The following PKD2 variants were observed in gnomAD, a reference collection of about 807,000 sequenced individuals.
PKD2 encodes the protein polycystin 2, transient receptor potential cation channel.
A neutral mutation model predicts 105.9 loss-of-function variants in PKD2; 48 were observed. The ratio of observed to expected loss-of-function variants is 0.45; its 90% CI spans 0.36 to 0.58. The LOEUF (loss-of-function observed/expected upper bound fraction) is 0.58. PKD2 is among the 20% of genes least tolerant of loss of function. The pLI is 0.00. For synonymous variants in PKD2, 464 were observed against 481.1 expected, an observed-to-expected ratio of 0.96 and a Z score of 0.46; for missense variants, 1,078 against 1,255.3, an observed-to-expected ratio of 0.86 and a Z score of 2.13.
intron 1 of PKD2, among the ~76,000 whole-genome samples, chr4:88,011,669 G>A (rs1726383893): frequency 6.6e-6 from 1 of 152,036 alleles, no homozygotes; most frequent in Non-Finnish European, 1.5e-5. Context: ...CTAAAGGGAA[G>A]CATAATTAGT....
rs771148745 is a variant in PKD2, at chr4:88,008,116, C to T, written c.383C>T (p.Ser128Phe). 2.0e-6 allele frequency: 3 copies of T among 1,509,714 alleles called. No homozygotes were observed. The highest frequency in any genetic ancestry group is 2.5e-5 in the South Asian group (2 of 81,378). The allele number at this position is 1,509,714 out of a possible 1,614,324, so 93.5% of individuals were successfully genotyped here. A position where few individuals can be genotyped will look rare whatever the true frequency, so the allele number is the denominator to read the frequency against. ...CCGGGCAGCCGGAGGTCGGCCGCCT[C>T]CTCGGCCGTGAGCTCCGTGGGCGCG... Reference protein sequence around the residue: ...WRPGSRRSAASSAVSSVGARS... With the variant: ...WRPGSRRSAAFSAVSSVGARS... The change falls in exon 1 of 15, where the codon TCC (serine) becomes TTC (phenylalanine). Residue 128 changes from serine to phenylalanine, a missense_variant. This residue lies in a region of PKD2 where 868 missense variants were observed against 1,067.3 expected (regional missense o/e 0.81). Coordinates refer to ENST00000237596, the MANE Select transcript of PKD2 (RefSeq NM_000297.4).
intron 2 of PKD2, among the ~76,000 whole-genome samples, chr4:88,031,090 C>A (rs1233869002): frequency 6.6e-6 from 1 of 152,068 alleles, no homozygotes; most frequent in African/African-American, 2.4e-5. Context: ...TCCAGGCTAC[C>A]ATACTCTAAA....
chr4:88,046,934 G>T, intron 6 of PKD2, 64 bp downstream of exon 6: 2 of 920,348 alleles, frequency 2.2e-6, no homozygotes, highest in Non-Finnish European at 3.7e-6. Context: ...TAGAGTCTTT[G>T]ATCTCCTCAG....
intron 8 of PKD2, among the ~76,000 whole-genome samples, chr4:88,056,728 A>T (rs1560620748): frequency 6.6e-6 from 1 of 152,352 alleles, no homozygotes; most frequent in East Asian, 1.9e-4. Flanking sequence ...AAGATCCCAA[A>T]TGTGAAATAA....
At position 88,046,684 on chromosome 4, in the gene PKD2, T is replaced by C. The variant is rs868456726; in HGVS notation, c.1362T>C (p.Ser454=). ...CAGCAACAGGTGGTGTGATTCCATC[T>C]TGGCAATTTCAGCCTTTAAAGCTGA... ...EFPATGGVIP[S]WQFQPLKLIR... is the part of the protein sequence containing the mutation. Residue 454 remains serine (S), a synonymous_variant, in exon 6 of 15, where the codon TCT becomes TCC. Coordinates refer to ENST00000237596, the MANE Select transcript of PKD2 (RefSeq NM_000297.4). The C allele has an allele frequency of 6.2e-7, 1 of 1,613,708 alleles. No homozygotes were observed. Among genetic ancestry groups the C allele is most frequent in the Admixed American group, 1.7e-5 (1 of 60,028 alleles).
chr4:88,069,049 C>G (rs747250360), intron 13 of PKD2, among the ~76,000 whole-genome samples: 2 of 152,146 alleles, frequency 1.3e-5, no homozygotes, highest in Non-Finnish European at 2.9e-5. Flanking sequence ...ATGTTATCCA[C>G]TTTATCTCTA....
In PKD2 at chr4:88,027,831, G is replaced by GT. The variant is rs397829449; in HGVS notation, c.709+8260_709+8261insT. ...ATCTGGTTTTTTGGTAAGTGTCTGGGCTTCCCCCTTTTCCCTCTCTCTCCT... is the reference window on the plus strand; with the variant it reads ...ATCTGGTTTTTTGGTAAGTGTCTGGGTCTTCCCCCTTTTCCCTCTCTCTCCT... On this transcript the variant is annotated intron_variant, in intron 2 of 14. Transcript: ENST00000237596. Among the ~76,000 whole-genome samples, 13 of 151,532 alleles carry GT rather than the reference G, an allele frequency of 8.6e-5. No individual in the cohort carries two copies. The East Asian group carries it at 2.5e-3, about 30-fold the overall frequency.
chr4:88,027,418 T>C lies in PKD2; in HGVS notation c.709+7847T>C, dbSNP rs139086490. On this transcript the variant is annotated intron_variant, in intron 2 of 14. Transcript: ENST00000237596. ...CCCCTTTGTTTTGGCCAATTTCTCC[T>C]ATTTGGAATGGGAACATATACCCAA... Among the ~76,000 whole-genome samples, 372 of 152,306 alleles carry C rather than the reference T, an allele frequency of 2.4e-3. 3 individuals are homozygous for C. The highest frequency in any genetic ancestry group is 8.6e-3 in the African/African-American group (357 of 41,558).
intron 6 of PKD2, among the ~76,000 whole-genome samples, chr4:88,051,126 T>A (rs1417290016): frequency 6.6e-6 from 1 of 152,166 alleles, no homozygotes; most frequent in South Asian, 2.1e-4. Flanking sequence ...TCCCCTTGGA[T>A]CTGATTGTAA....
intron 13 of PKD2, among the ~76,000 whole-genome samples, chr4:88,069,060 GT>G (rs1288337608): frequency 2.6e-5 from 4 of 152,236 alleles, no homozygotes; most frequent in African/African-American, 9.6e-5. Flanking sequence ...TTTATCTCTA[GT>G]AAAATTCTTT....
In PKD2 at chr4:88,062,346, G is replaced by A. The variant is rs544148789; in HGVS notation, c.2118+342G>A. 7.7e-4 allele frequency among the ~76,000 whole-genome samples: 117 copies of A among 152,168 alleles called. 1 individual carries two copies. The highest frequency in any genetic ancestry group is 2.6e-3 in the African/African-American group (107 of 41,518). ...ATCCTGAGTTGAGAATAAACTAGAA[G>A]GGAAGATTATATAAAGGGATTTCCA... On this transcript the variant is annotated intron_variant, in intron 10 of 14. Transcript: ENST00000237596.
chr4:88,061,830 T>A, intron 9 of PKD2, 76 bp from the exon 10 acceptor site: 1 of 769,098 alleles, frequency 1.3e-6, no homozygotes, highest in Admixed American at 1.8e-5. Flanking sequence ...CAAAAAGGCA[T>A]GTGTCATTTT....
At chr4:88,034,107 A>T (rs894003509) in intron 2 of PKD2, among the ~76,000 whole-genome samples, 16 of 152,174 alleles carry the variant, frequency 1.1e-4, no homozygotes, top group African/African-American at 3.9e-4. Flanking sequence ...CTGCCCCAAG[A>T]CAGTTCTGAG....
intron 9 of PKD2, among the ~76,000 whole-genome samples, chr4:88,059,529 G>T (rs1002874015): frequency 6.6e-6 from 1 of 152,080 alleles, no homozygotes; most frequent in Non-Finnish European, 1.5e-5. Flanking sequence ...AACTGGAAAG[G>T]CTCAAATGTG....
chr4:88,058,281 CAA>C (rs1720437996), intron 9 of PKD2, among the ~76,000 whole-genome samples, 178 bp downstream of exon 9: 1 of 152,112 alleles, frequency 6.6e-6, no homozygotes, highest in South Asian at 2.1e-4. Flanking sequence ...AGACTCATAT[CAA>C]ATGTCTTTTC....
chr4:88,073,681 G>A (rs924294662), intron 13 of PKD2, among the ~76,000 whole-genome samples: 1 of 152,170 alleles, frequency 6.6e-6, no homozygotes, highest in Non-Finnish European at 1.5e-5. Flanking sequence ...CACATGAGCT[G>A]GGGACAGGAG....
chr4:88,044,836 A>G (rs1488209814), intron 5 of PKD2, among the ~76,000 whole-genome samples: 1 of 152,096 alleles, frequency 6.6e-6, no homozygotes, highest in Admixed American at 6.6e-5. Flanking sequence ...AGCATTTTAT[A>G]TTTCAGATTT....
chr4:88,045,038 AAAAC>A (rs1399347057), intron 5 of PKD2, among the ~76,000 whole-genome samples: 9 of 152,256 alleles, frequency 5.9e-5, no homozygotes, highest in African/African-American at 2.2e-4. Flanking sequence ...GAAGAGAATA[AAAAC>A]AGAGAGGCAA....
In PKD2 at chr4:88,038,412, G is replaced by C. The variant is rs1315281831; in HGVS notation, c.1005G>C (p.Gln335His). 6.2e-7 allele frequency: 1 copy of C among 1,613,632 alleles called. No individual in the cohort carries two copies. Among genetic ancestry groups the C allele is most frequent in the Non-Finnish European group, 8.5e-7 (1 of 1,179,610 alleles). The change falls in exon 4 of 15, where the codon CAG (glutamine) becomes CAC (histidine). Residue 335 changes from glutamine to histidine, a missense_variant. By Grantham distance (24) the Gln-to-His change is conservative (BLOSUM62 0). Around this residue, in one of 2 missense-constraint regions of PKD2, gnomAD observed 868 missense variants for 1,067.3 expected, o/e 0.81. Coordinates refer to ENST00000237596, the MANE Select transcript of PKD2 (RefSeq NM_000297.4). Reference sequence around the variant, plus strand: ...GAAATGGATCCTGCTCTATCCCCCAGGACTTGAGAGATGAAATTAAAGAGT... The same window carrying C: ...GAAATGGATCCTGCTCTATCCCCCACGACTTGAGAGATGAAATTAAAGAGT... ...RVRNGSCSIPQDLRDEIKECY... is the reference protein window; with the variant it reads ...RVRNGSCSIPHDLRDEIKECY...
Sources: gnomAD v4.1 joint callset for allele counts (sites outside exome capture counted in the v4.1 genomes callset) on GRCh38, gnomAD v4.1.1 for gene constraint, gnomAD v4.1.1 regional missense constraint, MANE v1.5 for transcripts, NCBI Gene and HGNC (gene_info 2026-07-23, HGNC 2026-07-21) for gene names.